KIAA2012: variants seen among roughly 807,000 people sequenced by gnomAD.
KIAA2012 encodes uncharacterized protein KIAA2012.
A neutral mutation model predicts 150.6 loss-of-function variants in KIAA2012; 125 were observed. The ratio of observed to expected loss-of-function variants is 0.83; its 90% CI spans 0.72 to 0.96. KIAA2012 has a LOEUF of 0.96. Ranked by LOEUF, KIAA2012 falls within the 40% of genes least tolerant of loss-of-function variation. The probability of loss-of-function intolerance (pLI) is 0.00; values close to 1 mark genes in which losing one functional copy is unlikely to be tolerated. For synonymous variants in KIAA2012, 462 were observed against 504.7 expected (o/e 0.92, Z 1.13); for missense variants, 1,219 against 1,354.9 (o/e 0.90, Z 1.57).
chr2:202,134,031 G>A (rs1575029484), intron 12 of KIAA2012, among the ~76,000 whole-genome samples: 1 of 150,950 alleles, frequency 6.6e-6, no homozygotes, highest in East Asian at 1.9e-4. Flanking sequence ...TTCCATTTAT[G>A]ACCAAAAAAA....
intron 22 of KIAA2012, chr2:202,201,554 A>T: frequency 6.2e-7 from 1 of 1,610,324 alleles, no homozygotes; most frequent in South Asian, 1.1e-5. Flanking sequence ...TGGCACCTGC[A>T]TCATACCCGC....
intron 12 of KIAA2012, among the ~76,000 whole-genome samples, chr2:202,128,909 G>C (rs746878984): frequency 6.6e-6 from 1 of 152,066 alleles, no homozygotes; most frequent in East Asian, 1.9e-4. Flanking sequence ...CCCATTTGTT[G>C]CTAAGGGAAT....
intron 15 of KIAA2012, chr2:202,179,764 T>C (rs1692078836): frequency 1.6e-6 from 1 of 636,754 alleles, no homozygotes; most frequent in East Asian, 4.0e-5. Context: ...TTACTTGGCC[T>C]GGAAAGCCAC....
At chr2:202,202,670 G>A in intron 23 of KIAA2012, 83 bp downstream of exon 23, 1 of 395,280 alleles carries the variant, frequency 2.5e-6, no homozygotes, top group Non-Finnish European at 4.5e-6. Flanking sequence ...GCTCATGCAT[G>A]TAATCCCAAC....
At chr2:202,170,643 A>G (rs1214417758) in intron 15 of KIAA2012, among the ~76,000 whole-genome samples, 1 of 152,214 alleles carries the variant, frequency 6.6e-6, no homozygotes, top group African/African-American at 2.4e-5. Flanking sequence ...CAGTGCTCTA[A>G]GAGAATACAG....
chr2:202,156,812 G>A (rs1052077730), intron 14 of KIAA2012, among the ~76,000 whole-genome samples: 1 of 152,246 alleles, frequency 6.6e-6, no homozygotes, highest in East Asian at 1.9e-4. Context: ...ATGAACCCGG[G>A]AGGTGGAGCT....
intron 14 of KIAA2012, among the ~76,000 whole-genome samples, chr2:202,159,556 A>T (rs1199280934): frequency 6.6e-6 from 1 of 152,120 alleles, no homozygotes; most frequent in Non-Finnish European, 1.5e-5. Context: ...TAATACTGGG[A>T]CCTGACAGGG....
At chr2:202,204,076 G>T (rs112109822) in intron 23 of KIAA2012, among the ~76,000 whole-genome samples, 95 of 139,422 alleles carry the variant, frequency 6.8e-4, no homozygotes, top group Middle Eastern at 7.4e-3. Flanking sequence ...GCGGTTTTTT[G>T]TTTTTTTTTT....
chr2:202,119,390 C>CTT (rs1449081290), intron 11 of KIAA2012, among the ~76,000 whole-genome samples: 1 of 151,774 alleles, frequency 6.6e-6, no homozygotes, highest in South Asian at 2.1e-4. Flanking sequence ...GATGATGGTA[C>CTT]TTATGTCATT....
At chr2:202,120,349 C>T (rs1690629229) in intron 11 of KIAA2012, among the ~76,000 whole-genome samples, 1 of 152,062 alleles carries the variant, frequency 6.6e-6, no homozygotes, top group African/African-American at 2.4e-5. Context: ...GCACACCAGC[C>T]TAGGTAATAG....
intron 8 of KIAA2012, among the ~76,000 whole-genome samples, chr2:202,103,675 T>C (rs892249588): frequency 2.0e-5 from 3 of 152,228 alleles, no homozygotes; most frequent in Non-Finnish European, 2.9e-5. Context: ...TTCCTGATTT[T>C]GAATTAGGTT....
At chr2:202,075,891 T>C (rs1196726790) in intron 2 of KIAA2012, among the ~76,000 whole-genome samples, 3 of 152,236 alleles carry the variant, frequency 2.0e-5, no homozygotes, top group African/African-American at 7.2e-5. Context: ...ATAAAGTCAT[T>C]AGCTTCTTCT....
At chr2:202,173,424 C>T (rs1311371237) in intron 15 of KIAA2012, among the ~76,000 whole-genome samples, 1 of 152,106 alleles carries the variant, frequency 6.6e-6, no homozygotes, top group Non-Finnish European at 1.5e-5. Context: ...ACAAAATTAG[C>T]TGGGCGTGGT....
intron 12 of KIAA2012, among the ~76,000 whole-genome samples, chr2:202,133,191 A>G (rs1302025739): frequency 7.0e-6 from 1 of 142,518 alleles, no homozygotes; most frequent in African/African-American, 2.6e-5. Flanking sequence ...GCTGTTTTGT[A>G]TGCAGTTCCA....
chr2:202,204,333 T>A (rs1377655964), intron 23 of KIAA2012, among the ~76,000 whole-genome samples: 5 of 152,132 alleles, frequency 3.3e-5, no homozygotes, highest in African/African-American at 1.2e-4. Flanking sequence ...CACCTCAGCC[T>A]TCCAAAGTGC....
chr2:202,161,675 G>T (rs1467102830), intron 14 of KIAA2012, among the ~76,000 whole-genome samples: 2 of 151,962 alleles, frequency 1.3e-5, no homozygotes, highest in Non-Finnish European at 2.9e-5. Context: ...ATGAGGCCCT[G>T]CAGAAACCTG....
intron 14 of KIAA2012, among the ~76,000 whole-genome samples, chr2:202,161,156 A>T (rs1691646542): frequency 6.6e-6 from 1 of 152,156 alleles, no homozygotes; most frequent in East Asian, 1.9e-4. Flanking sequence ...GTAAGACATC[A>T]AGTGTAGTAG....
At position 202,165,341 on chromosome 2, in the gene KIAA2012, C is replaced by T. The variant is rs1340546546; in HGVS notation, c.2104C>T (p.His702Tyr). The change falls in exon 15 of 24, where the codon CAC becomes TAC. Residue 702 changes from histidine (H) to tyrosine (Y), a missense_variant. His to Tyr is a moderately conservative substitution (Grantham distance 83, BLOSUM62 2). Transcript: ENST00000498697. ...AGCAGGGAGACCCCTCAGAGAAACTCACCACAACGACCAAGGTACAGACCA... is the reference window on the plus strand; with the variant it reads ...AGCAGGGAGACCCCTCAGAGAAACTTACCACAACGACCAAGGTACAGACCA... ...EEAGRPLRETHHNDQDPEPRS... is the reference protein window; with the variant it reads ...EEAGRPLRETYHNDQDPEPRS... 6.5e-7 allele frequency: 1 copy of T among 1,550,308 alleles called. No individual in the cohort carries two copies. Among genetic ancestry groups the T allele is most frequent in the East Asian group, 2.4e-5 (1 of 40,914 alleles).
At chr2:202,189,898 C>A (rs1435586333) in intron 18 of KIAA2012, among the ~76,000 whole-genome samples, 1 of 151,900 alleles carries the variant, frequency 6.6e-6, no homozygotes, top group African/African-American at 2.4e-5. Flanking sequence ...TTGAGACTAG[C>A]CTGGGCAACA....
Sources: gnomAD v4.1 joint callset for allele counts (sites outside exome capture counted in the v4.1 genomes callset) on GRCh38, gnomAD v4.1.1 for gene constraint, MANE v1.5 for transcripts, NCBI Gene and HGNC (gene_info 2026-07-23, HGNC 2026-07-21) for gene names.